The following NXF3 variants were observed in gnomAD, a reference collection of about 807,000 sequenced individuals.
NXF3 encodes nuclear RNA export factor 3.
A neutral mutation model predicts 48.4 loss-of-function variants in NXF3; 34 were observed. That is an observed-to-expected ratio of 0.70 (90% CI 0.53 to 0.93). NXF3 has a LOEUF of 0.93. Among genes scored for constraint, NXF3 ranks in the 40% least tolerant of loss-of-function variants. NXF3 has a pLI of 0.00. For synonymous variants in NXF3, 132 were observed against 145.7 expected, an observed-to-expected ratio of 0.91 and a Z score of 0.68; for missense variants, 359 against 406.1, an observed-to-expected ratio of 0.88 and a Z score of 1.00.
intron 1 of NXF3, among the ~76,000 whole-genome samples, chrX:103,092,426 T>C (rs1037010084): frequency 2.7e-5 from 3 of 112,384 alleles, no homozygotes; most frequent in African/African-American, 9.7e-5. Flanking sequence ...TATGTTTAGA[T>C]ACAAAGCAAA....
Position 103,083,620 on chromosome X carries a change from C to T in NXF3, c.424G>A (p.Val142Ile), listed in dbSNP as rs754238091. 30 of 1,206,168 alleles carry T rather than the reference C, an allele frequency of 2.5e-5. No homozygotes were observed. The highest frequency in any genetic ancestry group is 7.0e-5 in the African/African-American group (4 of 57,005). Reference protein sequence around the residue: ...LIQNECSVPFVPVEFHYENMH... With the variant: ...LIQNECSVPFIPVEFHYENMH... The stretch of plus-strand genomic sequence containing the variant: ...CGGTCCTTTCTTACCTCAACTGGGA[C>T]GAAGGGTACACTGCATTCATTCTGA... The change falls in exon 4 of 20, where the codon GTC (valine) becomes ATC (isoleucine). Residue 142 changes from valine (V) to isoleucine (I), a missense_variant. By Grantham distance (29) the Val-to-Ile change is conservative (BLOSUM62 3). Coordinates refer to ENST00000395065, the MANE Select transcript of NXF3 (RefSeq NM_022052.2).
In NXF3 at chrX:103,079,482, G is replaced by T. The variant is rs373682592; in HGVS notation, c.1220-8C>A. On this transcript the variant is annotated splice_region_variant and splice_polypyrimidine_tract_variant and intron_variant, in intron 14 of 19. Coordinates refer to ENST00000395065, the MANE Select transcript of NXF3 (RefSeq NM_022052.2). The stretch of plus-strand genomic sequence containing the variant: ...GCAGCTCCCCCCGAAGGTCTGTAGA[G>T]GAGAAGAGAAGCAAGGATTTGGGGG... The T allele has an allele frequency of 2.9e-4, 347 of 1,202,447 alleles. No individual in the cohort carries two copies. Among genetic ancestry groups the T allele is most frequent in the Non-Finnish European group, 3.7e-4 (333 of 888,339 alleles).
intron 1 of NXF3, among the ~76,000 whole-genome samples, chrX:103,086,697 G>GA (rs199875398): frequency 0.13 from 13,593 of 101,960 alleles, 2,300 homozygotes; most frequent in African/African-American, 0.45. Flanking sequence ...AAATTATCCT[G>GA]AAAAAAAAAC....
At chrX:103,083,163 T>G (rs766295930) in intron 6 of NXF3, 30 bp downstream of exon 6, 1 of 1,203,420 alleles carries the variant, frequency 8.3e-7, no homozygotes, top group Non-Finnish European at 1.1e-6. Flanking sequence ...TCTGGCTTTG[T>G]GTGAACAACT....
chrX:103,082,384 C>A lies in NXF3; in HGVS notation c.781-20G>T, dbSNP rs1569280300. 11 of 1,079,982 alleles carry A rather than the reference C, an allele frequency of 1.0e-5. No homozygotes were observed. The highest frequency in any genetic ancestry group is 1.2e-5 in the Non-Finnish European group (9 of 780,281). The allele number at this position is 1,079,982 out of a possible 1,213,427, so 89.0% of individuals were successfully genotyped here. ...CATCACCTGCAATTATGCAGAAGAACCACGTAGACCCAGGAAAGAGCAGCT... is the reference window on the plus strand; with the variant it reads ...CATCACCTGCAATTATGCAGAAGAAACACGTAGACCCAGGAAAGAGCAGCT... On this transcript the variant is annotated intron_variant, in intron 8 of 19. Coordinates refer to ENST00000395065, the MANE Select transcript of NXF3 (RefSeq NM_022052.2).
Position 103,079,801 on chromosome X carries a change from G to C in NXF3, c.1122C>G (p.Phe374Leu). Reference sequence around the variant, plus strand: ...CAGGATTGAAGGGAATGCTCAGGGAGAAGCAGGCCTCATCGTGGTAAGCAC... The same window carrying C: ...CAGGATTGAAGGGAATGCTCAGGGACAAGCAGGCCTCATCGTGGTAAGCAC... ...LLSAYHDEACFSLSIPFNPED... is the reference protein window; with the variant it reads ...LLSAYHDEACLSLSIPFNPED... The change falls in exon 13 of 20, where the codon TTC becomes TTG. Residue 374 changes from phenylalanine (F) to leucine (L), a missense_variant. Physicochemically the swap from Phe to Leu is conservative, Grantham distance 22. Transcript: ENST00000395065. The C allele has an allele frequency of 8.3e-7, 1 of 1,211,315 alleles. No homozygotes were observed. The highest frequency in any genetic ancestry group is 1.1e-6 in the Non-Finnish European group (1 of 895,279).
intron 11 of NXF3, 29 bp downstream of exon 11, chrX:103,080,119 C>T: frequency 1.7e-6 from 2 of 1,208,534 alleles, no homozygotes; most frequent in Non-Finnish European, 2.2e-6. Context: ...CTTCCTCATG[C>T]ACCACCCTGC....
chrX:103,077,585 C>A (rs754608891), intron 18 of NXF3, 29 bp downstream of exon 18: 1 of 1,204,827 alleles, frequency 8.3e-7, no homozygotes, highest in African/African-American at 1.8e-5. Flanking sequence ...GGTAGTTCAT[C>A]CCCCAGACTG....
chrX:103,082,071 C>A, intron 9 of NXF3, 184 bp downstream of exon 9: 2 of 450,325 alleles, frequency 4.4e-6, no homozygotes, highest in Non-Finnish European at 8.0e-6. Context: ...AAAAGGGGAC[C>A]ATGTCAGAGG....
At position 103,079,360 on chromosome X, in the gene NXF3, G is replaced by A. The variant is rs761308991; in HGVS notation, c.1334C>T (p.Thr445Met). The A allele has an allele frequency of 1.7e-5, 21 of 1,208,436 alleles. No homozygotes were observed. The highest frequency in any genetic ancestry group is 3.5e-5 in the South Asian group (2 of 56,775). Residue 445 changes from threonine (T) to methionine (M), a missense_variant and splice_region_variant, in exon 15 of 20, where the codon ACG (threonine) becomes ATG (methionine). Coordinates refer to ENST00000395065, the MANE Select transcript of NXF3 (RefSeq NM_022052.2). ...CCAAGGGAGGAAGCAGGTACTCACCGTCTGGTACCACATGTCCACCAGGAA... is the reference window on the plus strand; with the variant it reads ...CCAAGGGAGGAAGCAGGTACTCACCATCTGGTACCACATGTCCACCAGGAA... ...SSFLVDMWYQ[T>M]EWMLCFSVNG... is the part of the protein sequence containing the mutation.
intron 1 of NXF3, chrX:103,088,124 CAT>C (rs992240685): frequency 1.3e-5 from 12 of 938,326 alleles, no homozygotes; most frequent in Middle Eastern, 2.9e-4. Context: ...TCAATGAACA[CAT>C]GTGTTTTCCT....
intron 1 of NXF3, chrX:103,089,275 T>A: frequency 2.0e-6 from 1 of 487,927 alleles, no homozygotes; most frequent in Admixed American, 2.9e-5. Context: ...GATTCGGTTA[T>A]GTAAACTGTC....
chrX:103,078,578 G>A lies in NXF3; in HGVS notation c.1433C>T (p.Thr478Ile). Reference protein sequence around the residue: ...VLAFTRTFIATPGSSSSLCIV... With the variant: ...VLAFTRTFIAIPGSSSSLCIV... ...CACTAACCTGGAACTGCTGCCAGGG[G>A]TAGCAATGAAGGTCCGGGTGAAGGC... The change falls in exon 17 of 20, where the codon ACC becomes ATC. Residue 478 changes from threonine (T) to isoleucine (I), a missense_variant. By Grantham distance (89) the Thr-to-Ile change is moderately conservative (BLOSUM62 -1). Transcript: ENST00000395065. 8.2e-7 allele frequency: 1 copy of A among 1,212,282 alleles called. No individual in the cohort carries two copies. The highest frequency in any genetic ancestry group is 1.8e-5 in the South Asian group (1 of 57,014).
chrX:103,080,988 G>A (rs1397680560), intron 9 of NXF3: 1 of 202,397 alleles, frequency 4.9e-6, no homozygotes, highest in Non-Finnish European at 9.0e-6. Flanking sequence ...CGCAGGCTCA[G>A]GAGGCAGAAG....
chrX:103,077,859 C>T, intron 17 of NXF3, 113 bp from the exon 18 acceptor site: 1 of 892,230 alleles, frequency 1.1e-6, no homozygotes, highest in Non-Finnish European at 1.6e-6. Context: ...CTCTACTGTG[C>T]CTCCCTCCTA....
In NXF3 at chrX:103,079,264, C is replaced by A; in HGVS notation, c.1336-1G>T. On this transcript the variant is annotated splice_acceptor_variant, in intron 15 of 19. Coordinates refer to ENST00000395065, the MANE Select transcript of NXF3 (RefSeq NM_022052.2). LOFTEE classifies it high-confidence loss of function. ...TGACAGAAAAGCAGAGCATCCATTC[C>A]TGAAAGGGAAGATCTCAGGTGCTCA... 1 of 1,211,624 alleles carries A rather than the reference C, an allele frequency of 8.3e-7. No homozygotes were observed. Among genetic ancestry groups the A allele is most frequent in the Non-Finnish European group, 1.1e-6 (1 of 895,360 alleles).
intron 1 of NXF3, among the ~76,000 whole-genome samples, chrX:103,091,984 C>CA (rs59377364): frequency 3.2e-3 from 151 of 47,749 alleles, no homozygotes; most frequent in East Asian, 5.0e-3. Flanking sequence ...GACTCCATCA[C>CA]AAAAAAAAAA....
At chrX:103,086,197 G>A (rs761090397) in intron 1 of NXF3, among the ~76,000 whole-genome samples, 1 of 104,089 alleles carries the variant, frequency 9.6e-6, no homozygotes, top group Admixed American at 1.0e-4. Context: ...GAGATGGGCG[G>A]ATCATGAGGT....
At chrX:103,088,800 T>A in intron 1 of NXF3, 1 of 1,132,147 alleles carries the variant, frequency 8.8e-7, no homozygotes, top group Non-Finnish European at 1.2e-6. Context: ...TCCTTATGCA[T>A]CCCTTTGCCA....
Sources: allele counts gnomAD v4.1 joint callset (sites outside exome capture counted in the v4.1 genomes callset), GRCh38; gene constraint gnomAD v4.1.1; transcripts MANE v1.5; gene names NCBI Gene and HGNC (gene_info 2026-07-23, HGNC 2026-07-21).